The following ENTHD1 variants were observed in gnomAD, a reference collection of about 807,000 sequenced individuals.
ENTHD1 encodes ENTH domain containing 1.
ENTHD1 carries 23 observed loss-of-function variants against 39.1 expected under a neutral mutation model. The observed-to-expected ratio is 0.59, with a 90% confidence interval of 0.42 to 0.83. The LOEUF is 0.83. ENTHD1 is among the 40% of genes least tolerant of loss of function. The pLI is 0.00. For synonymous variants in ENTHD1, 230 were observed against 258.2 expected (o/e 0.89, Z 1.05); for missense variants, 624 against 705.4 (o/e 0.88, Z 1.31).
chr22:39,765,177 T>C, intron 6 of ENTHD1, 46 bp downstream of exon 6: 10 of 181,624 alleles, frequency 5.5e-5, no homozygotes, highest in South Asian at 1.4e-4. Flanking sequence ...GGTTTTTTGT[T>C]GTGTGTGTGT....
At position 39,862,000 on chromosome 22, in the gene ENTHD1, A is replaced by C. The variant is rs75296456; in HGVS notation, c.357T>G (p.Tyr119Ter). ...TGACTTGCTTAGATTTTTCCCGGAT[A>C]TAATAACCTGAAAAATACATTGACT... ...IDEAGKDQGY[Y>*]IREKSKQVIT... The change falls in exon 3 of 7, where the codon TAT becomes TAG. Residue 119 changes from tyrosine to a stop codon, truncating the protein, a stop_gained. Coordinates refer to ENST00000325157, the MANE Select transcript of ENTHD1 (RefSeq NM_152512.4). LOFTEE classifies it high-confidence loss of function. The C allele has an allele frequency of 6.8e-7, 1 of 1,476,042 alleles. No homozygotes were observed. The highest frequency in any genetic ancestry group is 9.1e-7 in the Non-Finnish European group (1 of 1,094,050). 91.4% of individuals were successfully genotyped at this position (1,476,042 alleles called of 1,614,324 possible). A position where few individuals can be genotyped will look rare whatever the true frequency, so the allele number is the denominator to read the frequency against.
intron 3 of ENTHD1, among the ~76,000 whole-genome samples, chr22:39,836,264 C>T (rs543504054): frequency 6.6e-6 from 1 of 152,126 alleles, no homozygotes; most frequent in Non-Finnish European, 1.5e-5. Context: ...TGACTGCATA[C>T]TAACAATAAT....
intron 5 of ENTHD1, among the ~76,000 whole-genome samples, chr22:39,768,505 AACT>A (rs1395724751): frequency 4.6e-5 from 7 of 152,110 alleles, no homozygotes; most frequent in Admixed American, 1.3e-4. Context: ...TTCCTCAAAT[AACT>A]ACTACTTCTA....
chr22:39,765,827 C>G (rs1310433521), intron 5 of ENTHD1, among the ~76,000 whole-genome samples: 1 of 151,834 alleles, frequency 6.6e-6, no homozygotes, highest in African/African-American at 2.4e-5. Flanking sequence ...TGCCTTCTCC[C>G]TCTCTCCTCA....
chr22:39,779,869 T>C (rs564326318), intron 5 of ENTHD1, among the ~76,000 whole-genome samples: 1 of 152,340 alleles, frequency 6.6e-6, no homozygotes, highest in South Asian at 2.1e-4. Context: ...CTCTTTAAAA[T>C]AACTTGTTAT....
intron 4 of ENTHD1, among the ~76,000 whole-genome samples, chr22:39,834,363 C>T (rs1176235145): frequency 6.6e-6 from 1 of 151,912 alleles, no homozygotes; most frequent in Non-Finnish European, 1.5e-5. Flanking sequence ...GTTATAATGC[C>T]ACAAATAAGC....
At chr22:39,892,108 G>A (rs575807828) in intron 1 of ENTHD1, among the ~76,000 whole-genome samples, 1 of 152,234 alleles carries the variant, frequency 6.6e-6, no homozygotes, top group African/African-American at 2.4e-5. Context: ...CCTACCATTT[G>A]TATAGCTTTG....
At chr22:39,878,806 AAAT>A (rs1291094416) in intron 2 of ENTHD1, among the ~76,000 whole-genome samples, 2 of 152,112 alleles carry the variant, frequency 1.3e-5, no homozygotes, top group African/African-American at 4.8e-5. Context: ...TTTATTAATA[AAAT>A]AATAGCAACA....
intron 6 of ENTHD1, among the ~76,000 whole-genome samples, chr22:39,756,320 A>T (rs200806132): frequency 4.7e-5 from 7 of 147,712 alleles, no homozygotes; most frequent in East Asian, 2.0e-4. Flanking sequence ...TCTCTCTCAC[A>T]CACACACACA....
chr22:39,852,994 G>A (rs1302624541), intron 3 of ENTHD1, among the ~76,000 whole-genome samples: 1 of 152,210 alleles, frequency 6.6e-6, no homozygotes, highest in East Asian at 1.9e-4. Context: ...ATCTACATGT[G>A]GCAAGGCAAC....
At chr22:39,824,081 C>A (rs2065805275) in intron 4 of ENTHD1, among the ~76,000 whole-genome samples, 1 of 151,964 alleles carries the variant, frequency 6.6e-6, no homozygotes, top group African/African-American at 2.4e-5. Flanking sequence ...TATTTTTTCC[C>A]AGTCTGTAAA....
chr22:39,818,689 T>C (rs2065752993), intron 5 of ENTHD1, among the ~76,000 whole-genome samples: 1 of 152,160 alleles, frequency 6.6e-6, no homozygotes, highest in African/African-American at 2.4e-5. Context: ...TAGCAAGATA[T>C]CTCTGAGACT....
chr22:39,861,054 T>C (rs187038194), intron 3 of ENTHD1, among the ~76,000 whole-genome samples: 191 of 152,322 alleles, frequency 1.3e-3, no homozygotes, highest in Middle Eastern at 6.8e-3. Flanking sequence ...TGATTTATGT[T>C]ACAGGATCAA....
intron 5 of ENTHD1, among the ~76,000 whole-genome samples, chr22:39,816,929 C>G (rs1444363540): frequency 6.6e-6 from 1 of 150,878 alleles, no homozygotes; most frequent in Non-Finnish European, 1.5e-5. Context: ...AGAAATATAT[C>G]TGATATATAT....
chr22:39,867,898 A>G lies in ENTHD1; in HGVS notation c.350-5891T>C, dbSNP rs977062252. Among the ~76,000 whole-genome samples, 2 of 152,182 alleles carry G rather than the reference A, an allele frequency of 1.3e-5. No homozygotes were observed. The highest frequency in any genetic ancestry group is 4.8e-5 in the African/African-American group (2 of 41,448). Reference sequence around the variant, plus strand: ...GCAATAATAGACACTGCCAGTCTCAAAAACAAGATAAAAACCCCCACGAAG... The same window carrying G: ...GCAATAATAGACACTGCCAGTCTCAGAAACAAGATAAAAACCCCCACGAAG... On this transcript the variant is annotated intron_variant, in intron 2 of 6. Transcript: ENST00000325157. The surrounding 1 kb of genome is among the most constrained non-coding windows in gnomAD (Gnocchi z 4.5).
intron 4 of ENTHD1, among the ~76,000 whole-genome samples, chr22:39,833,760 T>C (rs762328596): frequency 2.6e-5 from 4 of 151,160 alleles, no homozygotes; most frequent in Non-Finnish European, 5.9e-5. Context: ...AAATCAACAG[T>C]AGAAAATGAT....
chr22:39,774,731 A>T (rs1348265581), intron 5 of ENTHD1, among the ~76,000 whole-genome samples: 2 of 152,200 alleles, frequency 1.3e-5, no homozygotes, highest in Non-Finnish European at 2.9e-5. Flanking sequence ...ATCTTGTGCT[A>T]CTATTCTAAA....
At chr22:39,750,953 G>A (rs1489351416) in intron 6 of ENTHD1, 1 of 153,984 alleles carries the variant, frequency 6.5e-6, no homozygotes, top group Admixed American at 6.5e-5. Flanking sequence ...AAAAGCCACA[G>A]AAATAAAGAT....
chr22:39,766,019 C>CAAA (rs11367784), intron 5 of ENTHD1, among the ~76,000 whole-genome samples: 5,079 of 48,944 alleles, frequency 0.1, 16 homozygotes, highest in East Asian at 0.15. Context: ...CCCTCAGCTA[C>CAAA]AAAAAAAAAA....
Sources: gnomAD v4.1 joint callset for allele counts (sites outside exome capture counted in the v4.1 genomes callset) on GRCh38, gnomAD v4.1.1 for gene constraint, Gnocchi (gnomAD v3.1) non-coding constraint, MANE v1.5 for transcripts, NCBI Gene and HGNC (gene_info 2026-07-23, HGNC 2026-07-21) for gene names.